The following ADCY7 variants were observed in gnomAD, a reference collection of about 807,000 sequenced individuals.
ADCY7 encodes the protein adenylate cyclase 7.
ADCY7 carries 72 observed loss-of-function variants against 120.6 expected under a neutral mutation model. The observed-to-expected ratio is 0.60, with a 90% CI of 0.49 to 0.73. The LOEUF (loss-of-function observed/expected upper bound fraction) is 0.73. ADCY7 is among the 30% of genes least tolerant of loss of function. The pLI is 0.00. For synonymous variants in ADCY7, 661 were observed against 628.0 expected (o/e 1.05, Z -0.78); for missense variants, 1,227 against 1,486.0 (o/e 0.83, Z 2.87).
upstream of ADCY7, among the ~76,000 whole-genome samples, chr16:50,263,646 C>T (rs942587730): frequency 2.6e-5 from 4 of 152,122 alleles, no homozygotes; most frequent in African/African-American, 9.7e-5. Context: ...GGGGAACCCC[C>T]CTCCTGTGTC....
chr16:50,252,124 G>A (rs1193257802), intron 1 of ADCY7, among the ~76,000 whole-genome samples: 1 of 152,128 alleles, frequency 6.6e-6, no homozygotes, highest in Non-Finnish European at 1.5e-5. Context: ...AGGAGCCCCC[G>A]GGCTGCTGTT....
Position 50,317,671 on chromosome 16 carries a change from T to TAAC in ADCY7, c.*2167_*2169dup, listed in dbSNP as rs2036867422. The TAAC allele has an allele frequency of 6.6e-6, 1 of 152,342 alleles. No individual in the cohort carries two copies. The highest frequency in any genetic ancestry group is 2.1e-4 in the South Asian group (1 of 4,830). The allele number at this position is 152,342 out of a possible 1,614,324, so 9.4% of individuals were successfully genotyped here. On this transcript the variant is annotated 3_prime_UTR_variant, in exon 26 of 26. Transcript: ENST00000673801. ...TTTTCAGTGTTCAGGTTATAGAATA[T>TAAC]AACTGACCATAAAAATTACCTGCAG...
chr16:50,306,687 C>T (rs1228823667), intron 14 of ADCY7, among the ~76,000 whole-genome samples: 2 of 152,124 alleles, frequency 1.3e-5, no homozygotes, highest in African/African-American at 2.4e-5. Context: ...ATGAGCTCTG[C>T]AGGGACCTTG....
In ADCY7 at chr16:50,288,139, C is replaced by T. The variant is rs1401184152; in HGVS notation, c.-41C>T. On this transcript the variant is annotated 5_prime_UTR_variant, in exon 2 of 26. Transcript: ENST00000673801. ...AGATGCCCTCCAGGCCCTGGGGCCT[C>T]CTTAACGGCCCCTTAACGACACGCG... The T allele has an allele frequency of 2.6e-6, 4 of 1,513,054 alleles. No individual in the cohort carries two copies. The Admixed American group carries it at 6.3e-5, about 24-fold the overall frequency. The allele number at this position is 1,513,054 out of a possible 1,614,324, so 93.7% of individuals were successfully genotyped here. A position where few individuals can be genotyped will look rare whatever the true frequency, so the allele number is the denominator to read the frequency against.
intron 1 of ADCY7, among the ~76,000 whole-genome samples, chr16:50,247,777 C>G (rs968621576): frequency 2.0e-5 from 3 of 152,084 alleles, no homozygotes; most frequent in African/African-American, 7.2e-5. Context: ...TTCGCAGGAC[C>G]AGGTGTTCTA....
At chr16:50,303,050 G>C (rs987002436) in intron 10 of ADCY7, among the ~76,000 whole-genome samples, 1 of 152,238 alleles carries the variant, frequency 6.6e-6, no homozygotes, top group African/African-American at 2.4e-5. Flanking sequence ...CAGAACTGAG[G>C]AATCTGATTT....
rs1183683744 is a variant in ADCY7 at position 50,317,924 on chromosome 16, G to C, written c.*2419G>C. 1 of 151,532 alleles carries C rather than the reference G, an allele frequency of 6.6e-6. No homozygotes were observed. Among genetic ancestry groups the C allele is most frequent in the African/African-American group, 2.4e-5 (1 of 41,216 alleles). 9.4% of individuals were successfully genotyped at this position (151,532 alleles called of 1,614,324 possible). A position where few individuals can be genotyped will look rare whatever the true frequency, so the allele number is the denominator to read the frequency against. On this transcript the variant is annotated 3_prime_UTR_variant, in exon 26 of 26. Transcript: ENST00000673801. Reference sequence around the variant, plus strand: ...AACAAACAAACAAACAAACAGAAGAGAAGATCATTAACCACTGTATACTTT... The same window carrying C: ...AACAAACAAACAAACAAACAGAAGACAAGATCATTAACCACTGTATACTTT...
At chr16:50,266,502 C>G (rs527441804), upstream of ADCY7, 1 of 164,020 alleles carries the variant, frequency 6.1e-6, no homozygotes, top group Non-Finnish European at 1.3e-5. Context: ...CCGCCGCCGC[C>G]GCTGCTGCCG....
At chr16:50,249,204 C>T (rs973440930) in intron 1 of ADCY7, among the ~76,000 whole-genome samples, 10 of 152,184 alleles carry the variant, frequency 6.6e-5, no homozygotes, top group Admixed American at 2.0e-4. Flanking sequence ...CTTTAGGAGG[C>T]TGAGGCAGGC....
At chr16:50,250,406 G>A (rs575607317) in intron 1 of ADCY7, among the ~76,000 whole-genome samples, 2 of 145,038 alleles carry the variant, frequency 1.4e-5, no homozygotes, top group South Asian at 2.2e-4. Context: ...GCAGTGAGCC[G>A]AGATCACGAC....
chr16:50,304,318 G>A (rs749483167), intron 10 of ADCY7, 42 bp from the exon 11 acceptor site: 2 of 1,396,470 alleles, frequency 1.4e-6, no homozygotes, highest in East Asian at 2.7e-5. Context: ...TGGGCCGAGA[G>A]GGGAGGAGGT....
intron 1 of ADCY7, among the ~76,000 whole-genome samples, chr16:50,287,216 C>T (rs1423160648): frequency 3.3e-5 from 5 of 151,404 alleles, no homozygotes; most frequent in South Asian, 4.2e-4. Context: ...GGTTTTACCA[C>T]GTGGGCCAGG....
intron 1 of ADCY7, among the ~76,000 whole-genome samples, chr16:50,267,866 A>AG (rs2033318446): frequency 6.6e-6 from 1 of 152,176 alleles, no homozygotes; most frequent in Admixed American, 6.5e-5. Context: ...CAGGAGGCTG[A>AG]GGGGGCTGCA....
chr16:50,311,126 C>T (rs2036431031), intron 19 of ADCY7, among the ~76,000 whole-genome samples: 1 of 152,180 alleles, frequency 6.6e-6, no homozygotes, highest in African/African-American at 2.4e-5. Flanking sequence ...GGGAAGGAGG[C>T]TGCAGCTCTA....
intron 17 of ADCY7, chr16:50,309,322 C>T: frequency 2.0e-6 from 1 of 503,272 alleles, no homozygotes; most frequent in Non-Finnish European, 3.5e-6. Context: ...CTGGCTGCTG[C>T]CGCTCTGGGG....
At chr16:50,278,037 G>A (rs1053532385) in intron 1 of ADCY7, among the ~76,000 whole-genome samples, 10 of 151,552 alleles carry the variant, frequency 6.6e-5, no homozygotes, top group Admixed American at 2.0e-4. Flanking sequence ...GCTGTGGGTT[G>A]GTTGTGGGTT....
intron 20 of ADCY7, 26 bp downstream of exon 20, chr16:50,311,812 C>CCCA: frequency 1.5e-6 from 2 of 1,341,752 alleles, no homozygotes. Context: ...CCCCCCCCCC[C>CCCA]CCCAAGCTCT....
intron 1 of ADCY7, among the ~76,000 whole-genome samples, chr16:50,246,446 G>A (rs2032590042): frequency 6.6e-6 from 1 of 152,108 alleles, no homozygotes; most frequent in African/African-American, 2.4e-5. Context: ...ACGGCCAGGA[G>A]ACGCTTCCCA....
intron 1 of ADCY7, among the ~76,000 whole-genome samples, chr16:50,251,737 C>T (rs78992650): frequency 0.056 from 8,548 of 152,262 alleles, 285 homozygotes; most frequent in Admixed American, 0.075. Flanking sequence ...TGCCCCAGTC[C>T]CCACCTAGCC....
Sources: gnomAD v4.1 joint callset for allele counts (sites outside exome capture counted in the v4.1 genomes callset) on GRCh38, gnomAD v4.1.1 for gene constraint, MANE v1.5 for transcripts, NCBI Gene and HGNC (gene_info 2026-07-23, HGNC 2026-07-21) for gene names.